Variants in NFXL1 observed in about 807,000 individuals in gnomAD.
NFXL1 encodes nuclear transcription factor, X-box binding like 1, also known as NF-X1-type zinc finger protein NFXL1.
NFXL1 carries 66 observed loss-of-function variants against 123.3 expected under a neutral mutation model. The observed-to-expected ratio is 0.54, with a 90% CI of 0.44 to 0.66. NFXL1 has a LOEUF of 0.66. Among genes scored for constraint, NFXL1 ranks in the 30% least tolerant of loss-of-function variants. NFXL1 has a pLI of 0.00. For missense variants in NFXL1, 944 were observed against 1,125.6 expected (o/e 0.84, Z 2.31); for synonymous variants, 346 against 360.8 (o/e 0.96, Z 0.46).
At chr4:47,849,629 AAT>A (rs1349364937) in intron 22 of NFXL1, among the ~76,000 whole-genome samples, 1 of 152,212 alleles carries the variant, frequency 6.6e-6, no homozygotes, top group African/African-American at 2.4e-5. Flanking sequence ...AAAACGTCAA[AAT>A]ATCTTAAAAG....
chr4:47,891,114 CTTTTTTTT>C (rs374093120), intron 11 of NFXL1, among the ~76,000 whole-genome samples: 7 of 140,016 alleles, frequency 5.0e-5, no homozygotes, highest in African/African-American at 7.8e-5. Context: ...TTCTTTTTTT[CTTTTTTTT>C]TTTTTTCTTG....
At chr4:47,848,474 C>G (rs1248346245) in intron 22 of NFXL1, 138 bp from the exon 23 acceptor site, 2 of 608,512 alleles carry the variant, frequency 3.3e-6, no homozygotes, top group Non-Finnish European at 5.6e-6. Flanking sequence ...TTTTTTAAAA[C>G]ACTACTCTCC....
chr4:47,885,751 A>G lies in NFXL1; in HGVS notation c.1665-94T>C. 3.0e-6 allele frequency: 4 copies of G among 1,348,976 alleles called. No individual in the cohort carries two copies. In the South Asian group the frequency reaches 5.2e-5, roughly 18 times the overall value. 83.6% of individuals were successfully genotyped at this position (1,348,976 alleles called of 1,614,324 possible). A position where few individuals can be genotyped will look rare whatever the true frequency, so the allele number is the denominator to read the frequency against. On this transcript the variant is annotated intron_variant, in intron 13 of 22. Transcript: ENST00000507489. ...ATCTATTTACATATCTTCTGATTCC[A>G]TATAGAATGAGTATACTGTGAATAT... is the stretch of plus-strand genomic sequence containing the variant.
chr4:47,914,168 T>TCGGCCAC lies in NFXL1; in HGVS notation c.29_35dup (p.Gly13TrpfsTer77). ...CAGTGGCCCGTCCCCGGGATCGGCC[T>TCGGCCAC]CGGCCACCGGCCACCTGGCGCCAGG... On this transcript the variant is annotated frameshift_variant, in exon 2 of 23. Coordinates refer to ENST00000507489, the MANE Select transcript of NFXL1 (RefSeq NM_001278624.2). LOFTEE classifies it high-confidence loss of function. 1 of 1,523,552 alleles carries TCGGCCAC rather than the reference T, an allele frequency of 6.6e-7. No individual in the cohort carries two copies. Among genetic ancestry groups the TCGGCCAC allele is most frequent in the Non-Finnish European group, 8.8e-7 (1 of 1,132,438 alleles). The allele number at this position is 1,523,552 out of a possible 1,614,324, so 94.4% of individuals were successfully genotyped here.
Position 47,885,608 on chromosome 4 carries a change from A to T in NFXL1, c.1714T>A (p.Phe572Ile), listed in dbSNP as rs1342832001. ...TGATGACATGGTGGACAAGAACCAA[A>T]GTGACAGCGATGTTTTTCTTGACTT... ...HTSQEKHRCH[F>I]GSCPPCHQPC... is the part of the protein sequence containing the mutation. The change falls in exon 14 of 23, where the codon TTT (phenylalanine) becomes ATT (isoleucine). Residue 572 changes from phenylalanine (F) to isoleucine (I), a missense_variant. Around this residue, in one of 4 missense-constraint regions of NFXL1, gnomAD observed 44 missense variants for 90.4 expected, o/e 0.49. Coordinates refer to ENST00000507489, the MANE Select transcript of NFXL1 (RefSeq NM_001278624.2). The T allele has an allele frequency of 6.2e-7, 1 of 1,613,966 alleles. No individual in the cohort carries two copies. The highest frequency in any genetic ancestry group is 1.1e-5 in the South Asian group (1 of 91,060).
At chr4:47,878,187 G>A (rs1402384329) in intron 17 of NFXL1, among the ~76,000 whole-genome samples, 1 of 143,458 alleles carries the variant, frequency 7.0e-6, no homozygotes, top group Non-Finnish European at 1.5e-5. Flanking sequence ...GATATGAACA[G>A]AGAGAAATGG....
chr4:47,859,992 G>T (rs1398480732), intron 19 of NFXL1, among the ~76,000 whole-genome samples: 1 of 151,988 alleles, frequency 6.6e-6, no homozygotes, highest in Non-Finnish European at 1.5e-5. Flanking sequence ...GACAGAAGGG[G>T]ATTGGGGGGA....
intron 19 of NFXL1, among the ~76,000 whole-genome samples, chr4:47,862,168 G>C (rs1332108596): frequency 6.6e-6 from 1 of 152,202 alleles, no homozygotes; most frequent in Non-Finnish European, 1.5e-5. Context: ...TAAATCACTA[G>C]TGAGTTTCTT....
At chr4:47,893,188 G>T (rs964698548) in intron 11 of NFXL1, among the ~76,000 whole-genome samples, 1 of 151,868 alleles carries the variant, frequency 6.6e-6, no homozygotes, top group African/African-American at 2.4e-5. Flanking sequence ...AAAATAAATA[G>T]TATCAGTGAA....
chr4:47,877,356 A>G (rs1735817738), intron 17 of NFXL1, among the ~76,000 whole-genome samples: 1 of 152,116 alleles, frequency 6.6e-6, no homozygotes, highest in Non-Finnish European at 1.5e-5. Flanking sequence ...CAGCAAGTCC[A>G]TCTGTCAAAT....
chr4:47,864,920 C>A (rs1057431787), intron 18 of NFXL1, among the ~76,000 whole-genome samples: 2 of 152,176 alleles, frequency 1.3e-5, no homozygotes, highest in Admixed American at 6.5e-5. Context: ...CTGTGTGAAC[C>A]TAAACTTGAA....
intron 3 of NFXL1, among the ~76,000 whole-genome samples, chr4:47,908,784 T>C (rs1737681515): frequency 6.6e-6 from 1 of 151,126 alleles, no homozygotes; most frequent in East Asian, 2.0e-4. Flanking sequence ...TAAAACCCCG[T>C]CTCTACTAAA....
intron 18 of NFXL1, among the ~76,000 whole-genome samples, chr4:47,872,733 T>C (rs752695157): frequency 6.6e-6 from 1 of 152,222 alleles, no homozygotes; most frequent in Non-Finnish European, 1.5e-5. Context: ...CATCTGAGCC[T>C]TCAGTCAGTC....
intron 9 of NFXL1, among the ~76,000 whole-genome samples, chr4:47,896,955 C>T (rs1737120411): frequency 6.6e-6 from 1 of 152,110 alleles, no homozygotes. Flanking sequence ...CATGAATTTT[C>T]CTAATGTAAA....
Position 47,878,567 on chromosome 4 carries a change from G to A in NFXL1, c.2037C>T (p.Cys679=), listed in dbSNP as rs141807245. 13 of 1,602,590 alleles carry A rather than the reference G, an allele frequency of 8.1e-6. No individual in the cohort carries two copies. In the African/African-American group the frequency reaches 1.2e-4, roughly 15 times the overall value. The change falls in exon 17 of 23, where the codon TGC becomes TGT. Residue 679 remains cysteine, a synonymous_variant. Coordinates refer to ENST00000507489, the MANE Select transcript of NFXL1 (RefSeq NM_001278624.2). ...DCQNHTCMKE[C]HKVTKTDGCT... is the part of the protein sequence containing the mutation. ...AGCCATCAGTTTTGGTTACTTTGTG[G>A]CATTCTTTCATACATGTGTGATTCT... is the stretch of plus-strand genomic sequence containing the variant.
chr4:47,867,834 C>A (rs1027258556), intron 18 of NFXL1, among the ~76,000 whole-genome samples: 1 of 151,412 alleles, frequency 6.6e-6, no homozygotes, highest in Admixed American at 6.6e-5. Context: ...ACTTTTTATA[C>A]AACTGTAAAT....
chr4:47,901,569 G>A lies in NFXL1; in HGVS notation c.647+1624C>T, dbSNP rs183072200. On this transcript the variant is annotated intron_variant, in intron 5 of 22. Transcript: ENST00000507489. ...CACCACCAGTAAATAATATGCAGGA[G>A]CAAAACAAATATACTTTGAAATGTT... is the stretch of plus-strand genomic sequence containing the variant. Among the ~76,000 whole-genome samples, 284 of 152,162 alleles carry A rather than the reference G, an allele frequency of 1.9e-3. 1 individual carries two copies. Among genetic ancestry groups the A allele is most frequent in the African/African-American group, 6.6e-3 (273 of 41,484 alleles).
chr4:47,850,842 G>A (rs1391368235), intron 22 of NFXL1, among the ~76,000 whole-genome samples: 1 of 151,978 alleles, frequency 6.6e-6, no homozygotes, highest in African/African-American at 2.4e-5. Flanking sequence ...CTGAAGTATG[G>A]ATGATATTGG....
intron 19 of NFXL1, among the ~76,000 whole-genome samples, chr4:47,859,157 T>A (rs1734583338): frequency 2.0e-5 from 3 of 152,350 alleles, no homozygotes; most frequent in Admixed American, 2.0e-4. Flanking sequence ...TTTTCTACTC[T>A]ACTCAGCCCT....
Sources: gnomAD v4.1 joint callset for allele counts (sites outside exome capture counted in the v4.1 genomes callset) on GRCh38, gnomAD v4.1.1 for gene constraint, gnomAD v4.1.1 regional missense constraint, MANE v1.5 for transcripts, NCBI Gene and HGNC (gene_info 2026-07-23, HGNC 2026-07-21) for gene names.